Variants in LIMK2 observed in about 807,000 individuals in gnomAD.
The protein encoded by LIMK2 is LIM domain kinase 2.
In LIMK2, 35 loss-of-function variants were observed where a neutral mutation model predicts 75.7. The ratio of observed to expected loss-of-function variants is 0.46; its 90% CI spans 0.35 to 0.61. LIMK2 has a LOEUF of 0.61. LIMK2 is among the 20% of genes least tolerant of loss of function. The probability of loss-of-function intolerance (pLI) is 0.00; values close to 1 mark genes in which losing one functional copy is unlikely to be tolerated. For synonymous variants in LIMK2, 301 were observed against 319.2 expected, an observed-to-expected ratio of 0.94 and a Z score of 0.61; for missense variants, 623 against 831.0, an observed-to-expected ratio of 0.75 and a Z score of 3.08.
At position 31,262,935 on chromosome 22, in the gene LIMK2, T is replaced by G; in HGVS notation, c.854+144T>G. ...AGGATTGTGCTGACCCAGCTGCCCC[T>G]GTGGGGATCACAGTTTACAGCCAGA... On this transcript the variant is annotated intron_variant, in intron 7 of 15. Coordinates refer to ENST00000331728, the MANE Select transcript of LIMK2 (RefSeq NM_005569.4). The surrounding 1 kb of genome is among the most constrained non-coding windows in gnomAD (Gnocchi z 5.0). 1.4e-6 allele frequency: 1 copy of G among 740,004 alleles called. No individual in the cohort carries two copies. The highest frequency in any genetic ancestry group is 2.2e-5 in the South Asian group (1 of 46,378). 45.8% of individuals were successfully genotyped at this position (740,004 alleles called of 1,614,324 possible).
At chr22:31,256,712 G>A (rs1460793456) in intron 2 of LIMK2, among the ~76,000 whole-genome samples, 1 of 152,144 alleles carries the variant, frequency 6.6e-6, no homozygotes, top group Non-Finnish European at 1.5e-5. Flanking sequence ...GAGGAAACTA[G>A]GCCAGAGAAG....
chr22:31,259,045 CCT>C, intron 3 of LIMK2, 74 bp from the exon 4 acceptor site: 1 of 825,498 alleles, frequency 1.2e-6, no homozygotes. Context: ...TTCACCCACC[CCT>C]GTCCTCACTC....
chr22:31,241,121 C>T (rs1347622238), intron 2 of LIMK2, among the ~76,000 whole-genome samples: 1 of 152,190 alleles, frequency 6.6e-6, no homozygotes, highest in Non-Finnish European at 1.5e-5. Context: ...CCAGTCTCAG[C>T]GATTCTGATT....
At chr22:31,268,349 A>G (rs2048917771) in intron 11 of LIMK2, 149 bp downstream of exon 11, 1 of 727,624 alleles carries the variant, frequency 1.4e-6, no homozygotes, top group Non-Finnish European at 2.5e-6. Flanking sequence ...TGTCACTGAA[A>G]CTGACCCCAG....
intron 1 of LIMK2, among the ~76,000 whole-genome samples, chr22:31,218,892 A>G (rs545614492): frequency 3.3e-5 from 5 of 152,288 alleles, no homozygotes; most frequent in Non-Finnish European, 5.9e-5. Context: ...TTTAAATGAA[A>G]GGATAGGATG....
chr22:31,249,115 C>G (rs1433177437), intron 2 of LIMK2, among the ~76,000 whole-genome samples: 1 of 152,200 alleles, frequency 6.6e-6, no homozygotes, highest in East Asian at 1.9e-4. Context: ...GTTTCCAGCT[C>G]TCACATGTCT....
At position 31,268,474 on chromosome 22, in the gene LIMK2, T is replaced by G. The variant is rs1029939707; in HGVS notation, c.1317+274T>G. ...AACTGTAGCCTGAGATGGCCTGGGCTTGCCATCACAGGTATTCAGGTGCTG... is the reference window on the plus strand; with the variant it reads ...AACTGTAGCCTGAGATGGCCTGGGCGTGCCATCACAGGTATTCAGGTGCTG... On this transcript the variant is annotated intron_variant, in intron 11 of 15. Coordinates refer to ENST00000331728, the MANE Select transcript of LIMK2 (RefSeq NM_005569.4). 4.6e-5 allele frequency among the ~76,000 whole-genome samples: 7 copies of G among 152,316 alleles called. No individual in the cohort carries two copies. In the East Asian group the frequency reaches 1.4e-3, roughly 29 times the overall value.
At chr22:31,232,887 G>A (rs1010332212) in intron 2 of LIMK2, among the ~76,000 whole-genome samples, 2 of 152,040 alleles carry the variant, frequency 1.3e-5, no homozygotes, top group African/African-American at 4.8e-5. Flanking sequence ...TATGAGCCAC[G>A]GCACCTGGCC....
intron 1 of LIMK2, among the ~76,000 whole-genome samples, chr22:31,219,266 C>G (rs1468424836): frequency 6.6e-6 from 1 of 151,974 alleles, no homozygotes; most frequent in Non-Finnish European, 1.5e-5. Flanking sequence ...AGTGGATTCA[C>G]ATTTGTTTGA....
At chr22:31,240,455 C>T (rs1349902361) in intron 2 of LIMK2, among the ~76,000 whole-genome samples, 5 of 147,850 alleles carry the variant, frequency 3.4e-5, no homozygotes, top group African/African-American at 5.0e-5. Context: ...GTTGGAGTCT[C>T]GCTGTGTCGC....
At chr22:31,228,054 TAGAG>T (rs1283447474) in intron 2 of LIMK2, among the ~76,000 whole-genome samples, 3 of 142,446 alleles carry the variant, frequency 2.1e-5, no homozygotes, top group Non-Finnish European at 3.0e-5. Flanking sequence ...GTGTGTGAGA[TAGAG>T]ACAGAAAGAT....
At chr22:31,276,744 C>G in intron 15 of LIMK2, 1 of 1,554,886 alleles carries the variant, frequency 6.4e-7, no homozygotes, top group Non-Finnish European at 8.7e-7. Flanking sequence ...GGCCCCGGCC[C>G]CCAGGCCAGG....
chr22:31,277,661 G>C (rs1223019950), intron 15 of LIMK2: 1 of 586,210 alleles, frequency 1.7e-6, no homozygotes, highest in Admixed American at 6.2e-5. Flanking sequence ...TGTGTGCTAG[G>C]TACAGTTCTA....
rs544250066 is a variant in LIMK2 at position 31,245,358 on chromosome 22, A to G, written c.117-12933A>G. Among the ~76,000 whole-genome samples the G allele has an allele frequency of 1.7e-3, 258 of 152,246 alleles. 2 individuals carry two copies. The highest frequency in any genetic ancestry group is 6.0e-3 in the African/African-American group (248 of 41,528). On this transcript the variant is annotated intron_variant, in intron 2 of 15. Coordinates refer to ENST00000331728, the MANE Select transcript of LIMK2 (RefSeq NM_005569.4). ...CTCTTGTTGCCCAGGCTGGAATGCA[A>G]TGGCACGAACTCAGCTCACCGCAAC...
intron 1 of LIMK2, among the ~76,000 whole-genome samples, chr22:31,218,788 G>C (rs2048409035): frequency 6.6e-6 from 1 of 152,118 alleles, no homozygotes; most frequent in Non-Finnish European, 1.5e-5. Flanking sequence ...AGGGGCCCAG[G>C]GGTTACCATA....
At chr22:31,221,764 T>C (rs2048436714) in intron 1 of LIMK2, among the ~76,000 whole-genome samples, 1 of 152,220 alleles carries the variant, frequency 6.6e-6, no homozygotes, top group South Asian at 2.1e-4. Flanking sequence ...ATTACAGGCG[T>C]GAGCCACTGC....
intron 1 of LIMK2, among the ~76,000 whole-genome samples, chr22:31,219,852 G>A (rs1360565112): frequency 2.6e-5 from 4 of 152,308 alleles, no homozygotes; most frequent in East Asian, 1.9e-4. Context: ...GATTACAGGC[G>A]TGAGCCACCA....
chr22:31,253,353 C>T (rs909892156), intron 2 of LIMK2, among the ~76,000 whole-genome samples: 2 of 152,204 alleles, frequency 1.3e-5, no homozygotes, highest in African/African-American at 4.8e-5. Context: ...ATGTCCATGG[C>T]CTCTAAGCAT....
At chr22:31,277,067 C>T (rs1461016241) in intron 15 of LIMK2, 8 of 1,613,846 alleles carry the variant, frequency 5.0e-6, no homozygotes, top group Non-Finnish European at 6.8e-6. Context: ...TACAAACCCA[C>T]AGAGGCCTTC....
Sources: gnomAD v4.1 joint callset for allele counts (sites outside exome capture counted in the v4.1 genomes callset) on GRCh38, gnomAD v4.1.1 for gene constraint, Gnocchi (gnomAD v3.1) non-coding constraint, MANE v1.5 for transcripts, NCBI Gene and HGNC (gene_info 2026-07-23, HGNC 2026-07-21) for gene names.